Variants in PDZRN3 observed in about 807,000 individuals in gnomAD.
PDZRN3 encodes PDZ domain containing ring finger 3, also known as E3 ubiquitin-protein ligase PDZRN3.
PDZRN3 carries 38 observed loss-of-function variants against 85.7 expected under a neutral mutation model. That is an observed-to-expected ratio of 0.44 (90% CI 0.34 to 0.58). The LOEUF is 0.58. PDZRN3 is among the 20% of genes least tolerant of loss of function. The probability of loss-of-function intolerance (pLI) is 0.01; values close to 1 mark genes in which losing one functional copy is unlikely to be tolerated. For missense variants in PDZRN3, 1,629 were observed against 1,506.4 expected (o/e 1.08, Z -1.35); for synonymous variants, 759 against 638.0 (o/e 1.19, Z -2.86).
At chr3:73,494,716 A>T (rs912035468) in intron 3 of PDZRN3, among the ~76,000 whole-genome samples, 1 of 152,198 alleles carries the variant, frequency 6.6e-6, no homozygotes, top group African/African-American at 2.4e-5. Context: ...TTGCCTGCCT[A>T]TGATCTTTTT....
intron 2 of PDZRN3, among the ~76,000 whole-genome samples, chr3:73,607,347 T>C (rs1702616612): frequency 6.6e-6 from 1 of 152,222 alleles, no homozygotes; most frequent in African/African-American, 2.4e-5. Context: ...AATATGGTCC[T>C]CTGATCTAGC....
chr3:73,528,897 C>G (rs1018107728), intron 3 of PDZRN3, among the ~76,000 whole-genome samples: 1 of 151,686 alleles, frequency 6.6e-6, no homozygotes, highest in Non-Finnish European at 1.5e-5. Context: ...CACACACACA[C>G]ACACACACAC....
At position 73,384,837 on chromosome 3, in the gene PDZRN3, T is replaced by G; in HGVS notation, c.1729A>C (p.Ser577Arg). Residue 577 changes from serine (S) to arginine (R), a missense_variant, in exon 10 of 10, where the codon AGC (serine) becomes CGC (arginine). Ser to Arg is a moderately radical substitution (Grantham distance 110). Transcript: ENST00000263666. Reference sequence around the variant, plus strand: ...TCCGAGCTCTCGTCATTACGGGTGCTCTCGTCGGTCCGCCCCACACCGCTG... The same window carrying G: ...TCCGAGCTCTCGTCATTACGGGTGCGCTCGTCGGTCCGCCCCACACCGCTG... ...KDSGVGRTDE[S>R]TRNDESSEQE... 1 of 1,614,178 alleles carries G rather than the reference T, an allele frequency of 6.2e-7. No homozygotes were observed. Among genetic ancestry groups the G allele is most frequent in the African/African-American group, 1.3e-5 (1 of 75,070 alleles).
intron 3 of PDZRN3, among the ~76,000 whole-genome samples, chr3:73,413,862 G>A (rs1702023718): frequency 6.6e-6 from 1 of 152,174 alleles, no homozygotes; most frequent in African/African-American, 2.4e-5. Flanking sequence ...GCTTTACCCT[G>A]AGAACCAAGT....
At chr3:73,619,114 A>G (rs185179052) in intron 1 of PDZRN3, among the ~76,000 whole-genome samples, 23 of 152,280 alleles carry the variant, frequency 1.5e-4, no homozygotes, top group Non-Finnish European at 2.6e-4. Context: ...AACAAAAATA[A>G]TGCCTCCCCT....
intron 5 of PDZRN3, among the ~76,000 whole-genome samples, chr3:73,393,608 C>A (rs763518373): frequency 6.6e-6 from 1 of 152,184 alleles, no homozygotes; most frequent in Non-Finnish European, 1.5e-5. Context: ...GTAAACAAAC[C>A]AGCCAACCTG....
chr3:73,461,543 C>T (rs1559692039), intron 3 of PDZRN3, among the ~76,000 whole-genome samples: 1 of 152,218 alleles, frequency 6.6e-6, no homozygotes, highest in Non-Finnish European at 1.5e-5. Context: ...CTTCATTCAT[C>T]TATTGAGAGA....
At chr3:73,464,849 C>T (rs1217277963) in intron 3 of PDZRN3, among the ~76,000 whole-genome samples, 1 of 151,900 alleles carries the variant, frequency 6.6e-6, no homozygotes, top group African/African-American at 2.4e-5. Context: ...CATTACCTAT[C>T]ATAGTGGTCA....
rs1181388780 is a variant in PDZRN3, at chr3:73,396,882, TTGTC to T, written c.1254+4036_1254+4039del. Among the ~76,000 whole-genome samples the T allele has an allele frequency of 5.1e-5, 7 of 136,876 alleles. No individual in the cohort carries two copies. In the South Asian group the frequency reaches 1.2e-3, roughly 23 times the overall value. 89.8% of individuals were successfully genotyped at this position (136,876 alleles called of 152,430 possible). A position where few individuals can be genotyped will look rare whatever the true frequency, so the allele number is the denominator to read the frequency against. ...TGCCTGAAAATTTATGGGTAATTAT[TTGTC>T]TGCTCAACCCTAGGGTACACTGGGT... is the stretch of plus-strand genomic sequence containing the variant. On this transcript the variant is annotated intron_variant, in intron 5 of 9. Transcript: ENST00000263666.
intron 3 of PDZRN3, among the ~76,000 whole-genome samples, chr3:73,492,984 C>CTTTTTTTTTTTTTTTTTTTTT (rs5850113): frequency 9.6e-6 from 1 of 104,044 alleles, no homozygotes; most frequent in Non-Finnish European, 1.9e-5. Flanking sequence ...GCTTTTCAAC[C>CTTTTTTTTTTTTTTTTTTTTT]TTTTTTTTTT....
intron 3 of PDZRN3, among the ~76,000 whole-genome samples, chr3:73,522,364 A>G (rs553170487): frequency 3.9e-4 from 60 of 152,354 alleles, no homozygotes; most frequent in Middle Eastern, 3.4e-3. Context: ...AATGAAAGAC[A>G]TTTTAACTTA....
At chr3:73,545,812 T>C (rs1024858760) in intron 3 of PDZRN3, among the ~76,000 whole-genome samples, 6 of 152,164 alleles carry the variant, frequency 3.9e-5, no homozygotes, top group African/African-American at 1.4e-4. Context: ...CTGAGGGCCA[T>C]GGCAGAGTTT....
chr3:73,565,786 AACACACACACAC>A (rs61564723), intron 3 of PDZRN3, among the ~76,000 whole-genome samples: 568 of 37,952 alleles, frequency 0.015, 5 homozygotes, highest in Non-Finnish European at 0.031. Flanking sequence ...AAAAATACAA[AACACACACACAC>A]ACACACACAC....
At chr3:73,497,489 CTGA>C (rs1440230430) in intron 3 of PDZRN3, among the ~76,000 whole-genome samples, 1 of 152,154 alleles carries the variant, frequency 6.6e-6, no homozygotes, top group African/African-American at 2.4e-5. Context: ...ATTATCACTG[CTGA>C]TATTAGAGGT....
At chr3:73,458,780 A>G (rs1314089798) in intron 3 of PDZRN3, among the ~76,000 whole-genome samples, 2 of 151,706 alleles carry the variant, frequency 1.3e-5, no homozygotes, top group African/African-American at 2.4e-5. Context: ...TCACGAGGTC[A>G]GGAATTCGAG....
intron 3 of PDZRN3, among the ~76,000 whole-genome samples, chr3:73,517,653 T>C (rs903973528): frequency 9.2e-5 from 14 of 152,220 alleles, no homozygotes; most frequent in African/African-American, 3.4e-4. Context: ...CAGTATGCCA[T>C]ATAATTGAAT....
intron 4 of PDZRN3, chr3:73,402,652 G>A (rs1257500185): frequency 6.6e-6 from 1 of 152,236 alleles, no homozygotes; most frequent in Non-Finnish European, 1.5e-5. Flanking sequence ...TTAGTCCTGG[G>A]TTCCAATGAC....
intron 3 of PDZRN3, among the ~76,000 whole-genome samples, chr3:73,439,712 A>G (rs2106818043): frequency 6.6e-6 from 1 of 151,962 alleles, no homozygotes; most frequent in South Asian, 2.1e-4. Context: ...AGCTCAGAAC[A>G]TCTGCTTAGG....
intron 3 of PDZRN3, among the ~76,000 whole-genome samples, chr3:73,430,027 G>T (rs536671238): frequency 8.3e-4 from 126 of 152,322 alleles, no homozygotes; most frequent in Admixed American, 2.0e-3. Flanking sequence ...CTATAAAGTT[G>T]ATCATCATTC....
Sources: gnomAD v4.1 joint callset for allele counts (sites outside exome capture counted in the v4.1 genomes callset) on GRCh38, gnomAD v4.1.1 for gene constraint, MANE v1.5 for transcripts, NCBI Gene and HGNC (gene_info 2026-07-23, HGNC 2026-07-21) for gene names.